The following ZSWIM5 variants were observed in gnomAD, a reference collection of about 807,000 sequenced individuals.
ZSWIM5 encodes the protein zinc finger SWIM-type containing 5.
Under a neutral mutation model 119.6 loss-of-function variants are expected in ZSWIM5, and 55 were observed. The ratio of observed to expected loss-of-function variants is 0.46; its 90% CI spans 0.37 to 0.58. The LOEUF (loss-of-function observed/expected upper bound fraction) is 0.58, where lower values mean the gene tolerates loss of function less well. Among genes scored for constraint, ZSWIM5 ranks in the 20% least tolerant of loss-of-function variants. The probability of loss-of-function intolerance (pLI) is 0.00; values close to 1 mark genes in which losing one functional copy is unlikely to be tolerated. For synonymous variants in ZSWIM5, 537 were observed against 606.9 expected (o/e 0.88, Z 1.69); for missense variants, 1,193 against 1,512.8 (o/e 0.79, Z 3.51).
intron 4 of ZSWIM5, among the ~76,000 whole-genome samples, chr1:45,053,847 TTAA>T (rs1459248555): frequency 6.6e-6 from 1 of 151,880 alleles, no homozygotes; most frequent in Non-Finnish European, 1.5e-5. Flanking sequence ...TTCTGTCTTA[TTAA>T]TTACATCCTT....
chr1:45,183,351 G>C (rs1174383014), intron 1 of ZSWIM5, among the ~76,000 whole-genome samples: 1 of 151,654 alleles, frequency 6.6e-6, no homozygotes, highest in African/African-American at 2.4e-5. Flanking sequence ...AGAAAAGCAA[G>C]AGCAAACACA....
At chr1:45,181,449 TGC>T (rs1570190133) in intron 1 of ZSWIM5, among the ~76,000 whole-genome samples, 2 of 152,246 alleles carry the variant, frequency 1.3e-5, no homozygotes, top group East Asian at 1.9e-4. Context: ...AGACCAAATC[TGC>T]ATCTGATTGG....
At chr1:45,080,696 A>G (rs1021285724) in intron 2 of ZSWIM5, among the ~76,000 whole-genome samples, 1 of 152,170 alleles carries the variant, frequency 6.6e-6, no homozygotes. Context: ...CAATTGGTGT[A>G]GCCTTCTATT....
In ZSWIM5 at chr1:45,088,640, T is replaced by C. The variant is rs950782306; in HGVS notation, c.596-403A>G. Among the ~76,000 whole-genome samples the C allele has an allele frequency of 6.6e-6, 1 of 152,132 alleles. No individual in the cohort carries two copies. The highest frequency in any genetic ancestry group is 1.5e-5 in the Non-Finnish European group (1 of 68,030). On this transcript the variant is annotated intron_variant, in intron 1 of 13. Transcript: ENST00000359600. This position sits in a 1 kb window ranked among gnomAD's most constrained non-coding sequence, Gnocchi z 4.2. ...TAGGCAAAGACAAGTCTACAAATAA[T>C]ATCTGTATAATCTAGAGTAAGGTAG...
intron 1 of ZSWIM5, among the ~76,000 whole-genome samples, chr1:45,091,039 G>T (rs1455286115): frequency 6.6e-6 from 1 of 152,072 alleles, no homozygotes; most frequent in Non-Finnish European, 1.5e-5. Context: ...TTCTAAGTAG[G>T]TATAATAATA....
rs147771647 is a variant in ZSWIM5, at chr1:45,145,944, A to G, written c.596-57707T>C. Reference sequence around the variant, plus strand: ...GTGGTACCCTAAAAGCCTCATGAAGAAAATGAATCAAGGATGACAGTGATC... The same window carrying G: ...GTGGTACCCTAAAAGCCTCATGAAGGAAATGAATCAAGGATGACAGTGATC... On this transcript the variant is annotated intron_variant, in intron 1 of 13. Coordinates refer to ENST00000359600, the MANE Select transcript of ZSWIM5 (RefSeq NM_020883.2). Among the ~76,000 whole-genome samples, 751 of 152,314 alleles carry G rather than the reference A, an allele frequency of 4.9e-3. 43 individuals are homozygous for G. The East Asian group carries it at 0.1, about 21-fold the overall frequency.
At chr1:45,118,508 G>A (rs1021383510) in intron 1 of ZSWIM5, among the ~76,000 whole-genome samples, 2 of 152,062 alleles carry the variant, frequency 1.3e-5, no homozygotes, top group Non-Finnish European at 2.9e-5. Flanking sequence ...TCGGGATACC[G>A]AGGCAGGCAG....
chr1:45,101,950 T>G (rs1449127219), intron 1 of ZSWIM5, among the ~76,000 whole-genome samples: 2 of 151,960 alleles, frequency 1.3e-5, no homozygotes, highest in Admixed American at 6.6e-5. Flanking sequence ...AATGACGAGT[T>G]AATGAGTGCA....
At chr1:45,066,255 T>A (rs959889604) in intron 2 of ZSWIM5, among the ~76,000 whole-genome samples, 2 of 152,180 alleles carry the variant, frequency 1.3e-5, no homozygotes, top group Admixed American at 1.3e-4. Context: ...CATTTTCATT[T>A]TCATTTCTAA....
At chr1:45,058,963 AC>A in intron 3 of ZSWIM5, among the ~76,000 whole-genome samples, 1 of 152,310 alleles carries the variant, frequency 6.6e-6, no homozygotes, top group South Asian at 2.1e-4. Context: ...ACCACTTCAC[AC>A]CCACTAGGAT....
At chr1:45,060,554 A>T (rs1557752282) in intron 2 of ZSWIM5, among the ~76,000 whole-genome samples, 1 of 152,124 alleles carries the variant, frequency 6.6e-6, no homozygotes, top group African/African-American at 2.4e-5. Context: ...CAAATTGTGC[A>T]TTTTTTTCCC....
In ZSWIM5 at chr1:45,021,197, G is replaced by A. The variant is rs576900235; in HGVS notation, c.2450-409C>T. On this transcript the variant is annotated intron_variant, in intron 11 of 13. Transcript: ENST00000359600. ...ACTACGGGCGCCCGCCACCACGCCCGGTTAATTTTTTGTATTTTTAGTAGA... is the reference window on the plus strand; with the variant it reads ...ACTACGGGCGCCCGCCACCACGCCCAGTTAATTTTTTGTATTTTTAGTAGA... 1.9e-4 allele frequency among the ~76,000 whole-genome samples: 29 copies of A among 152,192 alleles called. No individual in the cohort carries two copies. The East Asian group carries it at 4.1e-3, about 21-fold the overall frequency.
At chr1:45,035,651 T>C (rs771234407) in intron 10 of ZSWIM5, 37 bp downstream of exon 10, 8 of 1,606,482 alleles carry the variant, frequency 5.0e-6, no homozygotes, top group Non-Finnish European at 6.8e-6. Flanking sequence ...CACTTCTGCT[T>C]TGGTGGAGGC....
At chr1:45,083,240 T>C (rs1014605393) in intron 2 of ZSWIM5, among the ~76,000 whole-genome samples, 2 of 152,150 alleles carry the variant, frequency 1.3e-5, no homozygotes, top group African/African-American at 4.8e-5. Flanking sequence ...TAGAAGCCTG[T>C]CTGACTGTTC....
chr1:45,135,766 C>T (rs923499782), intron 1 of ZSWIM5, among the ~76,000 whole-genome samples: 6 of 152,140 alleles, frequency 3.9e-5, no homozygotes, highest in Admixed American at 3.9e-4. Context: ...CCATTGGACA[C>T]ATCTACTCCT....
chr1:45,136,803 A>G (rs897574794), intron 1 of ZSWIM5, among the ~76,000 whole-genome samples: 9 of 151,874 alleles, frequency 5.9e-5, no homozygotes, highest in African/African-American at 2.2e-4. Context: ...GCTCACCCCT[A>G]CTCCTAGGGT....
chr1:45,128,501 CT>C (rs1645635358), intron 1 of ZSWIM5, among the ~76,000 whole-genome samples: 1 of 152,070 alleles, frequency 6.6e-6, no homozygotes, highest in Non-Finnish European at 1.5e-5. Context: ...CCCTGGCCCA[CT>C]ATTTTAAGAG....
rs535787759 is a variant in ZSWIM5, at chr1:45,090,633, TAAAATAAAATA to T, written c.596-2407_596-2397del. ...GACCTGACTGCACAGTAAGGTAAAA[TAAAATAAAATA>T]AAAATAAAATAAAATAAGTAAATAA... On this transcript the variant is annotated intron_variant, in intron 1 of 13. Coordinates refer to ENST00000359600, the MANE Select transcript of ZSWIM5 (RefSeq NM_020883.2). Among the ~76,000 whole-genome samples the T allele has an allele frequency of 1.1e-3, 160 of 151,334 alleles. 1 individual carries two copies. Among genetic ancestry groups the T allele is most frequent in the South Asian group, 7.1e-3 (34 of 4,774 alleles).
intron 1 of ZSWIM5, among the ~76,000 whole-genome samples, chr1:45,147,336 T>C (rs750286187): frequency 2.0e-5 from 3 of 152,124 alleles, no homozygotes; most frequent in Non-Finnish European, 4.4e-5. Flanking sequence ...AACTTCTACG[T>C]AGATACTAAT....
Sources: gnomAD v4.1 joint callset for allele counts (sites outside exome capture counted in the v4.1 genomes callset) on GRCh38, gnomAD v4.1.1 for gene constraint, Gnocchi (gnomAD v3.1) non-coding constraint, MANE v1.5 for transcripts, NCBI Gene and HGNC (gene_info 2026-07-23, HGNC 2026-07-21) for gene names.